The following GBE1 variants were observed in gnomAD, a reference collection of about 807,000 sequenced individuals.
GBE1 encodes the protein 1,4-alpha-glucan-branching enzyme.
Under a neutral mutation model 88.8 loss-of-function variants are expected in GBE1, and 70 were observed. The ratio of observed to expected loss-of-function variants is 0.79; its 90% CI spans 0.65 to 0.96. The LOEUF (loss-of-function observed/expected upper bound fraction) is 0.96, where lower values mean the gene tolerates loss of function less well. Ranked by LOEUF, GBE1 falls within the 40% of genes least tolerant of loss-of-function variation. The pLI is 0.00. For missense variants in GBE1, 872 were observed against 871.0 expected (o/e 1.00, Z -0.01); for synonymous variants, 284 against 300.1 (o/e 0.95, Z 0.56).
In GBE1 at chr3:81,753,930, G is replaced by A. The variant is rs182031200; in HGVS notation, c.143+7445C>T. 2.4e-3 allele frequency among the ~76,000 whole-genome samples: 364 copies of A among 152,224 alleles called. 5 individuals are homozygous for A. Among genetic ancestry groups the A allele is most frequent in the African/African-American group, 8.4e-3 (349 of 41,544 alleles). ...CTGTGATATAAAACTTCTGCGCTGT[G>A]GGAACCAATTTTTGGTGTGGTTGGC... On this transcript the variant is annotated intron_variant, in intron 1 of 15. Coordinates refer to ENST00000429644, the MANE Select transcript of GBE1 (RefSeq NM_000158.4).
intron 1 of GBE1, among the ~76,000 whole-genome samples, chr3:81,721,182 C>A: frequency 9.9e-6 from 1 of 100,624 alleles, no homozygotes; most frequent in South Asian, 3.1e-4. Flanking sequence ...GCACATGTAC[C>A]CTAAAACTTA....
chr3:81,695,453 C>T (rs1705577452), intron 2 of GBE1, among the ~76,000 whole-genome samples: 1 of 152,108 alleles, frequency 6.6e-6, no homozygotes, highest in Non-Finnish European at 1.5e-5. Context: ...GCCATAGAGA[C>T]AGAAACTAGA....
intron 1 of GBE1, among the ~76,000 whole-genome samples, chr3:81,709,814 G>C (rs1328710983): frequency 1.3e-5 from 2 of 152,034 alleles, no homozygotes; most frequent in Admixed American, 6.5e-5. Flanking sequence ...GCTCAAAAAG[G>C]AAAATGCCTG....
chr3:81,734,934 T>C (rs1442668665), intron 1 of GBE1, among the ~76,000 whole-genome samples: 1 of 152,176 alleles, frequency 6.6e-6, no homozygotes, highest in African/African-American at 2.4e-5. Context: ...GAGAATAGTG[T>C]GATGAAATCT....
At chr3:81,556,949 G>A (rs898307114) in intron 12 of GBE1, among the ~76,000 whole-genome samples, 2 of 151,802 alleles carry the variant, frequency 1.3e-5, no homozygotes, top group South Asian at 2.1e-4. Context: ...TTTGTTTATC[G>A]AACATTTATT....
intron 7 of GBE1, among the ~76,000 whole-genome samples, chr3:81,607,016 G>A (rs916536944): frequency 3.3e-5 from 5 of 152,144 alleles, no homozygotes; most frequent in Admixed American, 6.5e-5. Context: ...GTAAACTGAA[G>A]AAATGAATGA....
intron 1 of GBE1, among the ~76,000 whole-genome samples, chr3:81,715,175 T>A (rs909645276): frequency 6.6e-6 from 1 of 152,176 alleles, no homozygotes; most frequent in African/African-American, 2.4e-5. Flanking sequence ...TTCTTTAACA[T>A]CCTGTGTGAC....
intron 4 of GBE1, among the ~76,000 whole-genome samples, chr3:81,649,440 G>A (rs950306018): frequency 6.6e-6 from 1 of 151,802 alleles, no homozygotes. Context: ...GTGTTTCTAA[G>A]GACATTGATC....
At chr3:81,641,967 T>C (rs1704688345) in intron 7 of GBE1, among the ~76,000 whole-genome samples, 1 of 150,204 alleles carries the variant, frequency 6.7e-6, no homozygotes, top group African/African-American at 2.4e-5. Flanking sequence ...ATATGTATTA[T>C]AAAAATATGT....
intron 14 of GBE1, among the ~76,000 whole-genome samples, chr3:81,528,548 A>C (rs1340899839): frequency 6.6e-6 from 1 of 152,014 alleles, no homozygotes; most frequent in African/African-American, 2.4e-5. Flanking sequence ...TTCCTGCCTG[A>C]AAGATTTGTC....
At position 81,515,347 on chromosome 3, in the gene GBE1, TATG is replaced by T. The variant is rs923531233; in HGVS notation, c.1935-16123_1935-16121del. ...ATTATTTTTACATTATCATTATGTC[TATG>T]ATGATGATCTGTGACCAGTGATCCT... On this transcript the variant is annotated intron_variant, in intron 14 of 15. Transcript: ENST00000429644. Among the ~76,000 whole-genome samples the T allele has an allele frequency of 2.6e-5, 4 of 151,686 alleles. No individual in the cohort carries two copies. The East Asian group carries it at 5.8e-4, about 22-fold the overall frequency.
Position 81,670,914 on chromosome 3 carries a change from TC to T in GBE1, c.352del (p.Asp118IlefsTer25). On this transcript the variant is annotated frameshift_variant, in exon 3 of 16. Transcript: ENST00000429644. LOFTEE classifies it high-confidence loss of function. Reference protein sequence around the residue: ...NPFSYPYKKLDYGKWELYIPP... With the variant: ...NPFSYPYKKLXYGKWELYIPP... Reference sequence around the variant, plus strand: ...GATATACAGCTCCCATTTTCCATAATCCAGTTTTTTGTATGGGTACGAAAAT... The same window carrying T: ...GATATACAGCTCCCATTTTCCATAATCAGTTTTTTGTATGGGTACGAAAAT... The T allele has an allele frequency of 6.4e-7, 1 of 1,573,832 alleles. No homozygotes were observed. The highest frequency in any genetic ancestry group is 1.2e-5 in the South Asian group (1 of 82,520).
intron 7 of GBE1, chr3:81,613,140 G>A: frequency 3.0e-6 from 1 of 329,004 alleles, no homozygotes. Flanking sequence ...TTGGGAGCAA[G>A]CTGCAGTCTT....
At chr3:81,731,588 C>T (rs1160336278) in intron 1 of GBE1, among the ~76,000 whole-genome samples, 3 of 152,094 alleles carry the variant, frequency 2.0e-5, no homozygotes, top group Non-Finnish European at 4.4e-5. Flanking sequence ...TGTAATAATA[C>T]CTAATGTTGG....
At chr3:81,549,788 A>T (rs577234949) in intron 12 of GBE1, among the ~76,000 whole-genome samples, 22 of 151,788 alleles carry the variant, frequency 1.4e-4, no homozygotes, top group African/African-American at 5.1e-4. Flanking sequence ...TTATACAAAT[A>T]AACAGGCCAA....
At chr3:81,547,571 C>A (rs1321175268) in intron 12 of GBE1, among the ~76,000 whole-genome samples, 2 of 150,810 alleles carry the variant, frequency 1.3e-5, no homozygotes, top group Admixed American at 6.6e-5. Context: ...AGAAGCCCGG[C>A]ATGCCAGCAA....
At chr3:81,651,384 T>G (rs1203705707) in intron 3 of GBE1, among the ~76,000 whole-genome samples, 1 of 152,160 alleles carries the variant, frequency 6.6e-6, no homozygotes, top group Non-Finnish European at 1.5e-5. Context: ...TAAATTATGG[T>G]TTATGACGGA....
chr3:81,528,294 C>G (rs959713545), intron 14 of GBE1, among the ~76,000 whole-genome samples: 1 of 151,446 alleles, frequency 6.6e-6, no homozygotes, highest in African/African-American at 2.4e-5. Context: ...TTAATGGGTG[C>G]AAGCACACCA....
chr3:81,754,514 C>CAAA (rs61660989), intron 1 of GBE1, among the ~76,000 whole-genome samples: 4 of 79,374 alleles, frequency 5.0e-5, no homozygotes. Flanking sequence ...TAAATCTTAG[C>CAAA]AAAAAAAAAA....
Sources: allele counts gnomAD v4.1 joint callset (sites outside exome capture counted in the v4.1 genomes callset), GRCh38; gene constraint gnomAD v4.1.1; transcripts MANE v1.5; gene names NCBI Gene and HGNC (gene_info 2026-07-23, HGNC 2026-07-21).